DCC: variants seen among roughly 807,000 people sequenced by gnomAD.
The protein encoded by DCC is netrin receptor DCC.
In DCC, 58 loss-of-function variants were observed where a neutral mutation model predicts 172.5. That is an observed-to-expected ratio of 0.34 (90% confidence interval 0.27 to 0.42). DCC has a LOEUF of 0.42. DCC is among the 10% of genes least tolerant of loss of function. The pLI is 1.00. For synonymous variants in DCC, 709 were observed against 644.5 expected (o/e 1.10, Z -1.52); for missense variants, 1,740 against 1,791.0 (o/e 0.97, Z 0.51).
intron 9 of DCC, among the ~76,000 whole-genome samples, chr18:53,191,491 CACTTATTTTT>C (rs2055366149): frequency 1.3e-5 from 2 of 151,886 alleles, no homozygotes; most frequent in African/African-American, 2.4e-5. Context: ...CAACTAATTT[CACTTATTTTT>C]ACTTTCAATG....
chr18:53,418,776 T>C (rs1910464198), intron 21 of DCC, among the ~76,000 whole-genome samples: 1 of 152,314 alleles, frequency 6.6e-6, no homozygotes, highest in African/African-American at 2.4e-5. Flanking sequence ...ACAATAGTCA[T>C]TTGAAATGGT....
chr18:52,963,872 A>G (rs2040886148), intron 5 of DCC, among the ~76,000 whole-genome samples: 1 of 149,478 alleles, frequency 6.7e-6, no homozygotes, highest in Non-Finnish European at 1.5e-5. Context: ...CATCAAGTGT[A>G]TTATAGTCTT....
At chr18:52,967,770 G>C (rs542811608) in intron 5 of DCC, among the ~76,000 whole-genome samples, 2 of 152,122 alleles carry the variant, frequency 1.3e-5, no homozygotes, top group South Asian at 4.1e-4. Flanking sequence ...TATTTATTTA[G>C]GGAAAATAAA....
intron 25 of DCC, among the ~76,000 whole-genome samples, chr18:53,484,655 C>A (rs1226225623): frequency 2.6e-5 from 4 of 152,002 alleles, no homozygotes; most frequent in African/African-American, 9.7e-5. Flanking sequence ...ATGTGAAAAT[C>A]ATTCCCCCAG....
At chr18:52,557,711 G>C (rs753142073) in intron 1 of DCC, among the ~76,000 whole-genome samples, 3 of 152,206 alleles carry the variant, frequency 2.0e-5, no homozygotes, top group African/African-American at 7.2e-5. Flanking sequence ...TCAGGCTGGA[G>C]TTCAGTGGTG....
In DCC at chr18:53,072,573, G is replaced by C. The variant is rs574947572; in HGVS notation, c.1261+6407G>C. Among the ~76,000 whole-genome samples the C allele has an allele frequency of 1.2e-4, 18 of 152,320 alleles. No individual in the cohort carries two copies. In the South Asian group the frequency reaches 3.7e-3, roughly 32 times the overall value. ...TGCACCTACGATAGGGGCATACGTAGTCTGGGATGTGTTTAATATAGTGGC... is the reference window on the plus strand; with the variant it reads ...TGCACCTACGATAGGGGCATACGTACTCTGGGATGTGTTTAATATAGTGGC... On this transcript the variant is annotated intron_variant, in intron 7 of 28. Transcript: ENST00000442544.
intron 7 of DCC, among the ~76,000 whole-genome samples, chr18:53,090,732 A>AAAAAAAAAAAAAAAAAT (rs1568298492): frequency 1.8e-4 from 23 of 129,078 alleles, no homozygotes; most frequent in Non-Finnish European, 3.3e-4. Flanking sequence ...AAAAAAAAAA[A>AAAAAAAAAAAAAAAAAT]AAGAATGTAT....
At chr18:53,461,799 T>C (rs528555502) in intron 24 of DCC, among the ~76,000 whole-genome samples, 55 of 152,320 alleles carry the variant, frequency 3.6e-4, no homozygotes, top group African/African-American at 1.3e-3. Flanking sequence ...TGAAGGACAG[T>C]CTAGTTCCAT....
In DCC at chr18:52,923,811, C is replaced by A; in HGVS notation, c.802C>A (p.Pro268Thr). ...VLECCVSGYP[P>T]PSFTWLRGEE... ...GGAATGTTGTGTTTCTGGCTATCCT[C>A]CACCAAGTTTTACCTGGTTACGAGG... Residue 268 changes from proline to threonine, a missense_variant, in exon 4 of 29, where the codon CCA becomes ACA. Coordinates refer to ENST00000442544, the MANE Select transcript of DCC (RefSeq NM_005215.4). 3 of 1,613,288 alleles carry A rather than the reference C, an allele frequency of 1.9e-6. No homozygotes were observed. The highest frequency in any genetic ancestry group is 2.5e-6 in the Non-Finnish European group (3 of 1,179,458).
chr18:53,246,722 G>A (rs2056369450), intron 12 of DCC, among the ~76,000 whole-genome samples: 1 of 152,046 alleles, frequency 6.6e-6, no homozygotes. Flanking sequence ...TATAGGTCAT[G>A]AATAATGACT....
chr18:53,510,848 T>C (rs1346411989), intron 27 of DCC, among the ~76,000 whole-genome samples: 1 of 152,208 alleles, frequency 6.6e-6, no homozygotes, highest in Non-Finnish European at 1.5e-5. Flanking sequence ...CTATAACTGC[T>C]GTCTCTTCTC....
At chr18:52,480,807 G>A (rs1456718572) in intron 1 of DCC, among the ~76,000 whole-genome samples, 1 of 151,972 alleles carries the variant, frequency 6.6e-6, no homozygotes, top group Non-Finnish European at 1.5e-5. Flanking sequence ...ATCCAAATTA[G>A]CCAATTCACT....
intron 5 of DCC, among the ~76,000 whole-genome samples, chr18:52,964,736 A>G (rs1436594065): frequency 6.6e-6 from 1 of 152,194 alleles, no homozygotes; most frequent in South Asian, 2.1e-4. Context: ...CCACAAATGT[A>G]GTGGCTGAAA....
chr18:53,468,988 T>C (rs1456007215), intron 25 of DCC, among the ~76,000 whole-genome samples: 2 of 152,162 alleles, frequency 1.3e-5, no homozygotes, highest in East Asian at 3.8e-4. Context: ...ATAAATTCCA[T>C]GTCACACCAA....
chr18:52,765,074 G>T (rs1182192212), intron 2 of DCC, among the ~76,000 whole-genome samples: 2 of 150,330 alleles, frequency 1.3e-5, no homozygotes, highest in Non-Finnish European at 3.0e-5. Context: ...TGTTGCCCAG[G>T]CCGGAGTGCA....
chr18:53,274,055 A>G (rs2056778016), intron 12 of DCC, among the ~76,000 whole-genome samples: 1 of 152,186 alleles, frequency 6.6e-6, no homozygotes, highest in African/African-American at 2.4e-5. Flanking sequence ...TTTCAAATGT[A>G]TTGAAAACAA....
At chr18:53,102,261 C>T (rs116975772) in intron 7 of DCC, among the ~76,000 whole-genome samples, 1 of 152,058 alleles carries the variant, frequency 6.6e-6, no homozygotes, top group African/African-American at 2.4e-5. Flanking sequence ...TGACTACTTG[C>T]CTACTTCATT....
At chr18:53,257,195 AC>A (rs1454749328) in intron 12 of DCC, among the ~76,000 whole-genome samples, 3 of 152,100 alleles carry the variant, frequency 2.0e-5, no homozygotes, top group African/African-American at 7.2e-5. Context: ...CTAATTGAAT[AC>A]CTTTTATTTC....
intron 5 of DCC, chr18:52,965,055 A>G (rs930117750): frequency 1.3e-5 from 2 of 152,080 alleles, no homozygotes; most frequent in Non-Finnish European, 2.9e-5. Context: ...CATTGAGGCC[A>G]CCCAGATAAT....
Sources: gnomAD v4.1 joint callset for allele counts (sites outside exome capture counted in the v4.1 genomes callset) on GRCh38, gnomAD v4.1.1 for gene constraint, MANE v1.5 for transcripts, NCBI Gene and HGNC (gene_info 2026-07-23, HGNC 2026-07-21) for gene names.